The following PRKN variants were observed in gnomAD, a reference collection of about 807,000 sequenced individuals.
PRKN encodes parkin RBR E3 ubiquitin protein ligase.
PRKN carries 56 observed loss-of-function variants against 59.5 expected under a neutral mutation model. The observed-to-expected ratio is 0.94, with a 90% CI of 0.76 to 1.18. PRKN has a LOEUF of 1.18. Ranked by LOEUF, PRKN falls within the 50% of genes most tolerant of loss-of-function variation. The probability of loss-of-function intolerance (pLI) is 0.00; values close to 1 mark genes in which losing one functional copy is unlikely to be tolerated. For synonymous variants in PRKN, 250 were observed against 222.1 expected, an observed-to-expected ratio of 1.13 and a Z score of -1.12; for missense variants, 657 against 596.4, an observed-to-expected ratio of 1.10 and a Z score of -1.06.
At chr6:161,556,515 A>C (rs182665018) in intron 8 of PRKN, among the ~76,000 whole-genome samples, 1 of 152,234 alleles carries the variant, frequency 6.6e-6, no homozygotes, top group African/African-American at 2.4e-5. Context: ...CACAGTTTTC[A>C]TAGATCCTTT....
chr6:162,063,718 A>C lies in PRKN; in HGVS notation c.535-9544T>G, dbSNP rs1582977337. Reference sequence around the variant, plus strand: ...TGCCACCACACCCGGCTAATTTTTGAATTTTTAGTAGAGACAGAGTCTCAC... The same window carrying C: ...TGCCACCACACCCGGCTAATTTTTGCATTTTTAGTAGAGACAGAGTCTCAC... On this transcript the variant is annotated intron_variant, in intron 4 of 11. Transcript: ENST00000366898. 2.6e-5 allele frequency among the ~76,000 whole-genome samples: 4 copies of C among 152,026 alleles called. No individual in the cohort carries two copies. The South Asian group carries it at 8.3e-4, about 32-fold the overall frequency.
chr6:162,268,309 G>A (rs1235093471), intron 2 of PRKN, among the ~76,000 whole-genome samples: 2 of 152,082 alleles, frequency 1.3e-5, no homozygotes, highest in African/African-American at 4.8e-5. Context: ...TTCATGAATG[G>A]GATTAGTGCC....
Position 161,402,292 on chromosome 6 carries a change from A to G in PRKN, c.1084-15415T>C, listed in dbSNP as rs759930428. 6.6e-6 allele frequency among the ~76,000 whole-genome samples: 1 copy of G among 152,194 alleles called. No individual in the cohort carries two copies. The highest frequency in any genetic ancestry group is 2.4e-5 in the African/African-American group (1 of 41,440). On this transcript the variant is annotated intron_variant, in intron 9 of 11. Transcript: ENST00000366898. The surrounding 1 kb of genome is among the most constrained non-coding windows in gnomAD (Gnocchi z 4.5). Reference sequence around the variant, plus strand: ...AAATTATAAAATAAAACCCAGACTTATAAGACTCTTCCCCTGCCTAAGTTT... The same window carrying G: ...AAATTATAAAATAAAACCCAGACTTGTAAGACTCTTCCCCTGCCTAAGTTT...
intron 2 of PRKN, among the ~76,000 whole-genome samples, chr6:162,437,116 A>T (rs115843031): frequency 0.063 from 9,012 of 142,186 alleles, 706 homozygotes; most frequent in African/African-American, 0.18. Flanking sequence ...AATAAATAAA[A>T]AAAGGCTTCA....
intron 7 of PRKN, among the ~76,000 whole-genome samples, chr6:161,729,696 T>C (rs1159682769): frequency 6.6e-6 from 1 of 152,210 alleles, no homozygotes; most frequent in Non-Finnish European, 1.5e-5. Context: ...TAAAAATATA[T>C]AGTTCAAGAA....
intron 1 of PRKN, among the ~76,000 whole-genome samples, chr6:162,627,998 G>GC (rs1422654949): frequency 6.6e-6 from 1 of 152,126 alleles, no homozygotes; most frequent in Non-Finnish European, 1.5e-5. Context: ...ATGAACATGG[G>GC]CTACAGGGAG....
chr6:161,563,718 G>A lies in PRKN; in HGVS notation c.933+5637C>T, dbSNP rs563460799. On this transcript the variant is annotated intron_variant, in intron 8 of 11. Transcript: ENST00000366898. ...ATCAAGATACCTACTAAAGATCAAC[G>A]AAAACAGAAAGGAACCACATACAAA... Among the ~76,000 whole-genome samples the A allele has an allele frequency of 3.3e-5, 5 of 152,186 alleles. No homozygotes were observed. In the South Asian group the frequency reaches 6.2e-4, roughly 19 times the overall value.
At chr6:162,144,787 T>G (rs2128311868) in intron 4 of PRKN, among the ~76,000 whole-genome samples, 1 of 152,262 alleles carries the variant, frequency 6.6e-6, no homozygotes, top group East Asian at 1.9e-4. Flanking sequence ...ACTGTAAAGC[T>G]TCGGCACAGT....
In PRKN at chr6:161,385,195, TG is replaced by T. The variant is rs200006478; in HGVS notation, c.1167+1598del. On this transcript the variant is annotated intron_variant, in intron 10 of 11. Coordinates refer to ENST00000366898, the MANE Select transcript of PRKN (RefSeq NM_004562.3). The surrounding 1 kb of genome is among the most constrained non-coding windows in gnomAD (Gnocchi z 4.9). ...CGCCCACCTCGGCCTCCCAAAGTGC[TG>T]GGATTACAGGCATAAGCCACCTCGC... Among the ~76,000 whole-genome samples, 14,506 of 152,192 alleles carry T rather than the reference TG, an allele frequency of 0.095. 794 individuals are homozygous for T. The highest frequency in any genetic ancestry group is 0.15 in the African/African-American group (6,042 of 41,512).
intron 6 of PRKN, among the ~76,000 whole-genome samples, chr6:161,902,416 G>A (rs192174463): frequency 2.0e-5 from 3 of 151,946 alleles, no homozygotes; most frequent in Admixed American, 6.6e-5. Context: ...GGGTTAAGAC[G>A]GTCTAAATAT....
rs114732451 is a variant in PRKN, at chr6:162,280,286, G to A, written c.172-17521C>T. Among the ~76,000 whole-genome samples, 332 of 152,172 alleles carry A rather than the reference G, an allele frequency of 2.2e-3. 2 individuals carry two copies. Among genetic ancestry groups the A allele is most frequent in the African/African-American group, 7.5e-3 (310 of 41,508 alleles). ...AACAACCTGCTCCTGAATGACTACTGGGTAAGTTATGAAATTAAGGCAGAA... is the reference window on the plus strand; with the variant it reads ...AACAACCTGCTCCTGAATGACTACTAGGTAAGTTATGAAATTAAGGCAGAA... On this transcript the variant is annotated intron_variant, in intron 2 of 11. Coordinates refer to ENST00000366898, the MANE Select transcript of PRKN (RefSeq NM_004562.3).
rs1782619023 is a variant in PRKN, at chr6:162,313,524, G to C, written c.172-50759C>G. On this transcript the variant is annotated intron_variant, in intron 2 of 11. Coordinates refer to ENST00000366898, the MANE Select transcript of PRKN (RefSeq NM_004562.3). Reference sequence around the variant, plus strand: ...TTTTTTGAAATGTAGTTTTGCTCTTGTTCCCCAGGCTGGAATCCAATGGTG... The same window carrying C: ...TTTTTTGAAATGTAGTTTTGCTCTTCTTCCCCAGGCTGGAATCCAATGGTG... Among the ~76,000 whole-genome samples the C allele has an allele frequency of 2.0e-5, 3 of 151,836 alleles. No homozygotes were observed. The South Asian group carries it at 6.2e-4, about 32-fold the overall frequency.
chr6:162,700,862 T>C lies in PRKN; in HGVS notation c.7+26800A>G, dbSNP rs546682352. The stretch of plus-strand genomic sequence containing the variant: ...ATACTATACATCCTTCAAGATCCAA[T>C]TCAAGGCCTGTCCTTTTGGTACATA... On this transcript the variant is annotated intron_variant, in intron 1 of 11. Transcript: ENST00000366898. 2.0e-5 allele frequency among the ~76,000 whole-genome samples: 3 copies of C among 152,202 alleles called. No homozygotes were observed. In the South Asian group the frequency reaches 6.2e-4, roughly 32 times the overall value.
At chr6:162,548,888 C>A (rs536577292) in intron 1 of PRKN, among the ~76,000 whole-genome samples, 3 of 152,150 alleles carry the variant, frequency 2.0e-5, no homozygotes. Flanking sequence ...TCCGCTCACT[C>A]CCCTTATCTT....
At chr6:162,026,643 A>G (rs1199547832) in intron 5 of PRKN, among the ~76,000 whole-genome samples, 1 of 152,176 alleles carries the variant, frequency 6.6e-6, no homozygotes, top group Non-Finnish European at 1.5e-5. Context: ...AAGGCATCTT[A>G]ATATGTACTT....
intron 1 of PRKN, among the ~76,000 whole-genome samples, chr6:162,474,690 A>G (rs903721066): frequency 6.6e-6 from 1 of 152,194 alleles, no homozygotes; most frequent in Non-Finnish European, 1.5e-5. Flanking sequence ...AGATTCAAAG[A>G]TTTGCTAGAT....
At chr6:162,140,592 T>C (rs917744888) in intron 4 of PRKN, among the ~76,000 whole-genome samples, 2 of 152,186 alleles carry the variant, frequency 1.3e-5, no homozygotes, top group African/African-American at 2.4e-5. Flanking sequence ...TTTCGTTGGT[T>C]TCCTTGTTCC....
At chr6:162,692,578 C>CCA (rs34471883) in intron 1 of PRKN, among the ~76,000 whole-genome samples, 1 of 151,498 alleles carries the variant, frequency 6.6e-6, no homozygotes, top group Non-Finnish European at 1.5e-5. Context: ...AGACCCCCCC[C>CCA]AACAAAATCC....
intron 1 of PRKN, among the ~76,000 whole-genome samples, chr6:162,621,108 G>GTTCA (rs10630016): frequency 0.92 from 139,229 of 151,898 alleles, 63,963 homozygotes; most frequent in Admixed American, 0.97. Flanking sequence ...CACATATCCA[G>GTTCA]CTTTGATCCA....
Sources: gnomAD v4.1 joint callset for allele counts (sites outside exome capture counted in the v4.1 genomes callset) on GRCh38, gnomAD v4.1.1 for gene constraint, Gnocchi (gnomAD v3.1) non-coding constraint, MANE v1.5 for transcripts, NCBI Gene and HGNC (gene_info 2026-07-23, HGNC 2026-07-21) for gene names.